Variants in AFG3L2 observed in about 807,000 individuals in gnomAD.
AFG3L2 encodes AFG3 like matrix AAA peptidase subunit 2.
In AFG3L2, 54 loss-of-function variants were observed where a neutral mutation model predicts 94.5. That is an observed-to-expected ratio of 0.57 (90% CI 0.46 to 0.72). AFG3L2 has a LOEUF of 0.72. AFG3L2 is among the 30% of genes least tolerant of loss of function. The probability of loss-of-function intolerance (pLI) is 0.00; values close to 1 mark genes in which losing one functional copy is unlikely to be tolerated. For missense variants in AFG3L2, 754 were observed against 994.9 expected, an observed-to-expected ratio of 0.76 and a Z score of 3.26; for synonymous variants, 377 against 365.5, an observed-to-expected ratio of 1.03 and a Z score of -0.36.
chr18:12,359,086 T>C (rs1292199495), intron 7 of AFG3L2, 143 bp from the exon 8 acceptor site: 30 of 1,257,744 alleles, frequency 2.4e-5, no homozygotes, highest in Non-Finnish European at 3.2e-5. Context: ...AACTTGCAAG[T>C]GTTCTTCAAA....
intron 9 of AFG3L2, among the ~76,000 whole-genome samples, chr18:12,356,444 G>A (rs1210637937): frequency 6.6e-6 from 1 of 152,180 alleles, no homozygotes; most frequent in African/African-American, 2.4e-5. Flanking sequence ...GAGCCACCGC[G>A]CCCAGCCGTC....
At chr18:12,366,895 A>G in intron 5 of AFG3L2, 70 bp downstream of exon 5, 1 of 1,583,256 alleles carries the variant, frequency 6.3e-7, no homozygotes, top group East Asian at 2.2e-5. Flanking sequence ...GCTGACTGTC[A>G]CTTCTTTGGT....
intron 15 of AFG3L2, among the ~76,000 whole-genome samples, chr18:12,337,768 T>G (rs975417334): frequency 6.6e-6 from 1 of 152,148 alleles, no homozygotes; most frequent in South Asian, 2.1e-4. Flanking sequence ...TATTATTACC[T>G]GATTTCTCTC....
At chr18:12,372,286 G>A (rs1178925739) in intron 1 of AFG3L2, among the ~76,000 whole-genome samples, 1 of 152,114 alleles carries the variant, frequency 6.6e-6, no homozygotes, top group Non-Finnish European at 1.5e-5. Context: ...CCTGGGCGAT[G>A]GAGTGAGACT....
At chr18:12,354,075 A>G (rs1021425258) in intron 9 of AFG3L2, among the ~76,000 whole-genome samples, 3 of 149,632 alleles carry the variant, frequency 2.0e-5, no homozygotes, top group Admixed American at 6.6e-5. Flanking sequence ...GCACCTCACC[A>G]TCAGTCACCT....
intron 8 of AFG3L2, 43 bp from the exon 9 acceptor site, chr18:12,356,874 G>A: frequency 6.3e-7 from 1 of 1,596,604 alleles, no homozygotes. Flanking sequence ...GAGAATTCCA[G>A]AAAAGTAAAT....
chr18:12,354,827 A>G (rs1440295631), intron 9 of AFG3L2, among the ~76,000 whole-genome samples: 1 of 135,408 alleles, frequency 7.4e-6, no homozygotes, highest in Non-Finnish European at 1.5e-5. Flanking sequence ...CATCCACTTT[A>G]TATCTCATGG....
At chr18:12,337,230 A>T in intron 16 of AFG3L2, 111 bp downstream of exon 16, 1 of 948,962 alleles carries the variant, frequency 1.1e-6, no homozygotes, top group Non-Finnish European at 1.7e-6. Context: ...CCCATGGGTG[A>T]GCCAGAGAGA....
chr18:12,377,111 G>C lies in AFG3L2; in HGVS notation c.-29C>G, dbSNP rs1383371959. The C allele has an allele frequency of 1.5e-6, 2 of 1,374,646 alleles. No homozygotes were observed. 85.2% of individuals were successfully genotyped at this position (1,374,646 alleles called of 1,614,324 possible). Reference sequence around the variant, plus strand: ...CGCCGCCGTGGCCCTCTCGGCCCGGGACGCTGCGCAGGCGCGGGCAGGCGA... The same window carrying C: ...CGCCGCCGTGGCCCTCTCGGCCCGGCACGCTGCGCAGGCGCGGGCAGGCGA... On this transcript the variant is annotated 5_prime_UTR_variant, in exon 1 of 17. Coordinates refer to ENST00000269143, the MANE Select transcript of AFG3L2 (RefSeq NM_006796.3).
rs1411049494 is a variant in AFG3L2, at chr18:12,361,232, T to C, written c.628-1181A>G. On this transcript the variant is annotated intron_variant, in intron 6 of 16. Coordinates refer to ENST00000269143, the MANE Select transcript of AFG3L2 (RefSeq NM_006796.3). ...TAAAACTACAAAAATTAGCTAGGCA[T>C]GGTGGCACCCACCTATAGGCCCAGC... Among the ~76,000 whole-genome samples the C allele has an allele frequency of 2.6e-5, 4 of 152,104 alleles. No homozygotes were observed. The East Asian group carries it at 5.8e-4, about 22-fold the overall frequency.
chr18:12,355,241 C>A (rs1908455300), intron 9 of AFG3L2, among the ~76,000 whole-genome samples: 1 of 149,070 alleles, frequency 6.7e-6, no homozygotes. Context: ...TACAATTCAA[C>A]AACCAAAAAA....
At position 12,371,245 on chromosome 18, in the gene AFG3L2, C is replaced by T. The variant is rs185132470; in HGVS notation, c.215-319G>A. Among the ~76,000 whole-genome samples, 6 of 149,484 alleles carry T rather than the reference C, an allele frequency of 4.0e-5. No individual in the cohort carries two copies. The East Asian group carries it at 9.9e-4, about 25-fold the overall frequency. ...AGGAGAATCGCTTGAACCCAGAAGG[C>T]GGAGGTTGCAGTACGCCAAGATCGC... On this transcript the variant is annotated intron_variant, in intron 2 of 16. Transcript: ENST00000269143.
rs144160600 is a variant in AFG3L2, at chr18:12,352,766, T to C, written c.1318+239A>G. Among the ~76,000 whole-genome samples the C allele has an allele frequency of 9.7e-4, 147 of 152,288 alleles. 1 individual carries two copies. The highest frequency in any genetic ancestry group is 3.4e-3 in the African/African-American group (143 of 41,550). On this transcript the variant is annotated intron_variant, in intron 10 of 16. Transcript: ENST00000269143. ...GAGCTGTTTGTTTTAGGGAATGCTT[T>C]TTTTTGTTTGTGATACTCAATATTG...
At chr18:12,367,207 C>T (rs765002542) in intron 4 of AFG3L2, 69 bp downstream of exon 4, 7 of 1,612,328 alleles carry the variant, frequency 4.3e-6, no homozygotes, top group Non-Finnish European at 5.9e-6. Context: ...CAACACTACA[C>T]TAATGCCTCC....
chr18:12,359,582 T>C (rs1382951954), intron 7 of AFG3L2, among the ~76,000 whole-genome samples: 2 of 151,764 alleles, frequency 1.3e-5, no homozygotes, highest in Non-Finnish European at 1.5e-5. Flanking sequence ...CTACTAGAAA[T>C]ACAAAAATTA....
chr18:12,352,954 A>T, intron 10 of AFG3L2, 51 bp downstream of exon 10: 1 of 1,235,348 alleles, frequency 8.1e-7, no homozygotes, highest in Non-Finnish European at 1.1e-6. Context: ...ACTCCATCTC[A>T]AAAAAAAAAA....
rs141598220 is a variant in AFG3L2 at position 12,339,142 on chromosome 18, G to A, written c.1980+1059C>T. 2.9e-3 allele frequency among the ~76,000 whole-genome samples: 435 copies of A among 148,618 alleles called. 3 individuals carry two copies. Among genetic ancestry groups the A allele is most frequent in the East Asian group, 6.3e-3 (31 of 4,928 alleles). On this transcript the variant is annotated intron_variant, in intron 15 of 16. Coordinates refer to ENST00000269143, the MANE Select transcript of AFG3L2 (RefSeq NM_006796.3). ...GGTGGCGGGCACTACTTGGGAGGCT[G>A]AGGCAGGAGAATGGCGTGAACCTGG...
chr18:12,329,385 C>T lies in AFG3L2; in HGVS notation c.*180G>A, dbSNP rs1907440278. On this transcript the variant is annotated 3_prime_UTR_variant, in exon 17 of 17. Coordinates refer to ENST00000269143, the MANE Select transcript of AFG3L2 (RefSeq NM_006796.3). ...TCCCTCAAGGCCTCCGGAAAGTCACCTGCCACCCACTGTGACCTCTGAGGC... is the reference window on the plus strand; with the variant it reads ...TCCCTCAAGGCCTCCGGAAAGTCACTTGCCACCCACTGTGACCTCTGAGGC... The T allele has an allele frequency of 4.2e-6, 3 of 710,952 alleles. No individual in the cohort carries two copies. The highest frequency in any genetic ancestry group is 2.5e-6 in the Non-Finnish European group (1 of 402,096). 44.0% of individuals were successfully genotyped at this position (710,952 alleles called of 1,614,324 possible).
intron 16 of AFG3L2, among the ~76,000 whole-genome samples, chr18:12,334,410 G>C (rs11664282): frequency 0.11 from 16,913 of 152,224 alleles, 970 homozygotes; most frequent in Middle Eastern, 0.19. Flanking sequence ...GTGCCTCACA[G>C]AGGGCTCATC....
Sources: allele counts gnomAD v4.1 joint callset (sites outside exome capture counted in the v4.1 genomes callset), GRCh38; gene constraint gnomAD v4.1.1; transcripts MANE v1.5; gene names NCBI Gene and HGNC (gene_info 2026-07-23, HGNC 2026-07-21).